The following CSMD1 variants were observed in gnomAD, a reference collection of about 807,000 sequenced individuals.
The protein encoded by CSMD1 is CUB and sushi domain-containing protein 1.
A neutral mutation model predicts 417.5 loss-of-function variants in CSMD1; 213 were observed. The ratio of observed to expected loss-of-function variants is 0.51; its 90% confidence interval spans 0.46 to 0.57. The LOEUF (loss-of-function observed/expected upper bound fraction) is 0.57. CSMD1 is among the 20% of genes least tolerant of loss of function. The probability of loss-of-function intolerance (pLI) is 0.00; values close to 1 mark genes in which losing one functional copy is unlikely to be tolerated. For missense variants in CSMD1, 6,923 were observed against 4,529.7 expected, an observed-to-expected ratio of 1.53 and a Z score of -15.17; for synonymous variants, 2,862 against 1,736.8, an observed-to-expected ratio of 1.65 and a Z score of -16.11.
intron 1 of CSMD1, among the ~76,000 whole-genome samples, chr8:4,789,326 G>A (rs1476392193): frequency 6.6e-6 from 1 of 152,168 alleles, no homozygotes; most frequent in African/African-American, 2.4e-5. Context: ...TTTAAAAGCA[G>A]TCAACTATAG....
intron 3 of CSMD1, among the ~76,000 whole-genome samples, chr8:4,191,241 A>G (rs1008449980): frequency 6.6e-6 from 1 of 151,994 alleles, no homozygotes; most frequent in African/African-American, 2.4e-5. Context: ...CTAAAAACAC[A>G]AAAAATTAGC....
chr8:4,596,923 G>C (rs1349272337), intron 2 of CSMD1, among the ~76,000 whole-genome samples: 1 of 152,082 alleles, frequency 6.6e-6, no homozygotes, highest in Non-Finnish European at 1.5e-5. Flanking sequence ...GGTTTATCAG[G>C]GGTTTCCGCT....
chr8:4,539,487 T>C (rs909065530), intron 2 of CSMD1, among the ~76,000 whole-genome samples: 3 of 152,174 alleles, frequency 2.0e-5, no homozygotes, highest in Non-Finnish European at 2.9e-5. Flanking sequence ...TAAGCAAATA[T>C]CTTTCCCCCA....
chr8:4,021,470 G>C (rs972460132), intron 4 of CSMD1, among the ~76,000 whole-genome samples: 1 of 152,150 alleles, frequency 6.6e-6, no homozygotes, highest in Non-Finnish European at 1.5e-5. Flanking sequence ...TGTTGGTTAA[G>C]CGTGTGGCAG....
chr8:3,086,767 A>T (rs2129005945), intron 49 of CSMD1, among the ~76,000 whole-genome samples: 1 of 152,308 alleles, frequency 6.6e-6, no homozygotes, highest in African/African-American at 2.4e-5. Flanking sequence ...CCAGAAATTA[A>T]TGTTTTTAAA....
chr8:3,851,644 T>C (rs183374857), intron 5 of CSMD1, among the ~76,000 whole-genome samples: 12 of 152,180 alleles, frequency 7.9e-5, no homozygotes, highest in African/African-American at 2.9e-4. Flanking sequence ...ACTTAAGCTT[T>C]AGGTGATAGA....
chr8:4,176,549 T>C (rs905313754), intron 3 of CSMD1, among the ~76,000 whole-genome samples: 1 of 151,936 alleles, frequency 6.6e-6, no homozygotes, highest in Non-Finnish European at 1.5e-5. Context: ...TCCCTACTAA[T>C]ATACCCCATT....
rs569149284 is a variant in CSMD1, at chr8:4,847,539, C to T, written c.85+146793G>A. ...CATACACTTGTCATGGTTAGTGGGC[C>T]GATACTGGAATATTTTATTAAAGAG... On this transcript the variant is annotated intron_variant, in intron 1 of 69. Transcript: ENST00000635120. 2.3e-3 allele frequency among the ~76,000 whole-genome samples: 350 copies of T among 152,140 alleles called. 1 individual carries two copies. Among genetic ancestry groups the T allele is most frequent in the African/African-American group, 8.1e-3 (338 of 41,524 alleles).
At chr8:3,775,033 T>C (rs1022680426) in intron 5 of CSMD1, among the ~76,000 whole-genome samples, 4 of 152,242 alleles carry the variant, frequency 2.6e-5, no homozygotes, top group Admixed American at 1.3e-4. Flanking sequence ...GGAGATTTCA[T>C]CATGTTACTC....
chr8:4,942,462 T>G (rs1484688221), intron 1 of CSMD1, among the ~76,000 whole-genome samples: 4 of 152,214 alleles, frequency 2.6e-5, no homozygotes, highest in African/African-American at 9.7e-5. Context: ...ACAAAGACAG[T>G]TTTCACATTT....
intron 5 of CSMD1, among the ~76,000 whole-genome samples, chr8:3,985,666 GC>G (rs1814268546): frequency 6.6e-6 from 1 of 152,046 alleles, no homozygotes; most frequent in South Asian, 2.1e-4. Context: ...CTAGGTTGAT[GC>G]TAGAATTCTC....
chr8:3,065,012 G>A (rs1001440214), intron 49 of CSMD1, among the ~76,000 whole-genome samples: 1 of 152,064 alleles, frequency 6.6e-6, no homozygotes, highest in African/African-American at 2.4e-5. Flanking sequence ...GTTTGCCCAT[G>A]CTTCCTTCTC....
At chr8:4,574,220 GT>G (rs1392931706) in intron 2 of CSMD1, among the ~76,000 whole-genome samples, 1 of 152,156 alleles carries the variant, frequency 6.6e-6, no homozygotes, top group Non-Finnish European at 1.5e-5. Context: ...CAGCTGCCGA[GT>G]TTTTTCCTTG....
chr8:3,433,166 A>G (rs1020362065), intron 12 of CSMD1, among the ~76,000 whole-genome samples: 3 of 152,250 alleles, frequency 2.0e-5, no homozygotes, highest in Non-Finnish European at 4.4e-5. Context: ...TGAAGAAACA[A>G]TGAATGAAAT....
At chr8:3,872,111 T>C (rs1251274973) in intron 5 of CSMD1, among the ~76,000 whole-genome samples, 1 of 152,238 alleles carries the variant, frequency 6.6e-6, no homozygotes, top group East Asian at 1.9e-4. Context: ...CAAATTTCTT[T>C]CCATTCTTAT....
chr8:4,707,662 G>A (rs956608902), intron 1 of CSMD1, among the ~76,000 whole-genome samples: 1 of 151,818 alleles, frequency 6.6e-6, no homozygotes, highest in African/African-American at 2.4e-5. Flanking sequence ...CGAGGCGGGC[G>A]GATCACCTGA....
chr8:4,871,527 C>T (rs567446874), intron 1 of CSMD1, among the ~76,000 whole-genome samples: 1 of 152,232 alleles, frequency 6.6e-6, no homozygotes, highest in African/African-American at 2.4e-5. Flanking sequence ...TCTCACCAAG[C>T]ACCCAACATA....
At chr8:4,081,686 C>G (rs932127684) in intron 3 of CSMD1, among the ~76,000 whole-genome samples, 1 of 152,078 alleles carries the variant, frequency 6.6e-6, no homozygotes, top group African/African-American at 2.4e-5. Context: ...CAATGAAGTC[C>G]AAAACATTTA....
intron 18 of CSMD1, among the ~76,000 whole-genome samples, chr8:3,378,290 G>C (rs936937233): frequency 6.6e-6 from 1 of 152,126 alleles, no homozygotes. Context: ...CCAGGACCAG[G>C]TGGATTCACA....
Sources: allele counts gnomAD v4.1 joint callset (sites outside exome capture counted in the v4.1 genomes callset), GRCh38; gene constraint gnomAD v4.1.1; transcripts MANE v1.5; gene names NCBI Gene and HGNC (gene_info 2026-07-23, HGNC 2026-07-21).